GRAMD2B: variants seen among roughly 807,000 people sequenced by gnomAD.
GRAMD2B encodes the protein GRAM domain containing 2B.
GRAMD2B carries 41 observed loss-of-function variants against 59.2 expected under a neutral mutation model. The ratio of observed to expected loss-of-function variants is 0.69; its 90% CI spans 0.54 to 0.90. The LOEUF is 0.90. GRAMD2B is among the 40% of genes least tolerant of loss of function. GRAMD2B has a pLI of 0.00. For synonymous variants in GRAMD2B, 161 were observed against 182.7 expected, an observed-to-expected ratio of 0.88 and a Z score of 0.96; for missense variants, 424 against 500.5, an observed-to-expected ratio of 0.85 and a Z score of 1.46.
At chr5:126,469,576 A>C (rs181682144) in intron 2 of GRAMD2B, 101 bp from the exon 3 acceptor site, 3 of 759,682 alleles carry the variant, frequency 3.9e-6, no homozygotes, top group Admixed American at 4.3e-5. Context: ...GGGAGGTTGC[A>C]GTGAACCGTG....
At chr5:126,447,671 GAAA>G (rs113356500) in intron 1 of GRAMD2B, among the ~76,000 whole-genome samples, 2 of 120,172 alleles carry the variant, frequency 1.7e-5, no homozygotes, top group East Asian at 5.4e-4. Context: ...CTCAAAAAAA[GAAA>G]AAAAAAAAAA....
At chr5:126,483,721 A>G (rs2126930422) in intron 9 of GRAMD2B, 147 bp downstream of exon 9, 2 of 579,140 alleles carry the variant, frequency 3.5e-6, no homozygotes, top group South Asian at 2.3e-5. Context: ...ATCTGGAGAA[A>G]GGATGCCTTG....
intron 1 of GRAMD2B, among the ~76,000 whole-genome samples, chr5:126,390,950 T>C (rs926209007): frequency 6.6e-6 from 1 of 152,190 alleles, no homozygotes; most frequent in South Asian, 2.1e-4. Flanking sequence ...CTAAATTCCA[T>C]ACTCTAGCCA....
intron 1 of GRAMD2B, among the ~76,000 whole-genome samples, chr5:126,443,374 A>G (rs548329585): frequency 1.3e-5 from 2 of 152,352 alleles, no homozygotes; most frequent in South Asian, 4.1e-4. Context: ...TTTTAATGGA[A>G]GAGAGGAAAA....
Position 126,391,319 on chromosome 5 carries a change from CAA to C in GRAMD2B, c.125+19772_125+19773del, listed in dbSNP as rs61181985. ...TGGGCAAGAGAGGGAGACTCCATCT[CAA>C]AAAAAAAAAAAAAAAAAAACTTGTA... On this transcript the variant is annotated intron_variant, in intron 1 of 8. Transcript: ENST00000506445. Among the ~76,000 whole-genome samples, 734 of 76,324 alleles carry C rather than the reference CAA, an allele frequency of 9.6e-3. 12 individuals are homozygous for C. Among genetic ancestry groups the C allele is most frequent in the African/African-American group, 0.033 (692 of 20,910 alleles). 50.1% of individuals were successfully genotyped at this position (76,324 alleles called of 152,430 possible). A position where few individuals can be genotyped will look rare whatever the true frequency, so the allele number is the denominator to read the frequency against.
At chr5:126,414,857 T>C (rs1403755987) in intron 1 of GRAMD2B, among the ~76,000 whole-genome samples, 1 of 152,166 alleles carries the variant, frequency 6.6e-6, no homozygotes. Context: ...GTGAATAGAC[T>C]TCAATAACTA....
upstream of GRAMD2B, among the ~76,000 whole-genome samples, chr5:126,420,070 A>AAG (rs1331581210): frequency 9.3e-3 from 1,376 of 148,092 alleles, 19 homozygotes; most frequent in African/African-American, 0.027. Context: ...AAAAAAAAAA[A>AAG]AAAGAAAGAA....
At chr5:126,424,271 T>A (rs2149783368) in intron 1 of GRAMD2B, among the ~76,000 whole-genome samples, 1 of 152,214 alleles carries the variant, frequency 6.6e-6, no homozygotes, top group East Asian at 1.9e-4. Flanking sequence ...TTTAAAATAT[T>A]TATCTATTTT....
chr5:126,451,684 A>T (rs945915245), intron 1 of GRAMD2B, among the ~76,000 whole-genome samples: 1 of 152,074 alleles, frequency 6.6e-6, no homozygotes, highest in Non-Finnish European at 1.5e-5. Flanking sequence ...TGAGGACGAG[A>T]TGTGGGGGGC....
At chr5:126,397,108 T>C (rs1561478402) in intron 1 of GRAMD2B, among the ~76,000 whole-genome samples, 1 of 152,172 alleles carries the variant, frequency 6.6e-6, no homozygotes, top group Admixed American at 6.5e-5. Flanking sequence ...GTTTGCAAAA[T>C]TTTCTCCCAT....
At chr5:126,366,725 C>A (rs1754452171), upstream of GRAMD2B, among the ~76,000 whole-genome samples, 1 of 152,104 alleles carries the variant, frequency 6.6e-6, no homozygotes, top group Non-Finnish European at 1.5e-5. Flanking sequence ...AATCAAACAG[C>A]CAACCACAGG....
At chr5:126,473,470 G>T in intron 5 of GRAMD2B, 102 bp downstream of exon 5, 1 of 432,442 alleles carries the variant, frequency 2.3e-6, no homozygotes, top group South Asian at 7.5e-5. Flanking sequence ...TTTGTATCAT[G>T]GTTATTCTTT....
intron 1 of GRAMD2B, among the ~76,000 whole-genome samples, chr5:126,455,597 G>C (rs187652068): frequency 7.2e-5 from 11 of 152,272 alleles, no homozygotes; most frequent in Admixed American, 4.6e-4. Context: ...TATAACTACA[G>C]TGTTTCTTTG....
intron 6 of GRAMD2B, among the ~76,000 whole-genome samples, chr5:126,478,280 A>C (rs1246769900): frequency 1.3e-5 from 2 of 151,752 alleles, no homozygotes; most frequent in African/African-American, 4.8e-5. Flanking sequence ...TCTACAAAAA[A>C]TATAAAAATT....
intron 1 of GRAMD2B, among the ~76,000 whole-genome samples, chr5:126,448,253 C>T (rs1764715679): frequency 6.6e-6 from 1 of 152,010 alleles, no homozygotes; most frequent in Non-Finnish European, 1.5e-5. Flanking sequence ...AGAGGTCAGT[C>T]CTTAGGACCT....
intron 1 of GRAMD2B, among the ~76,000 whole-genome samples, chr5:126,401,436 A>G (rs1196663789): frequency 6.6e-6 from 1 of 152,042 alleles, no homozygotes; most frequent in East Asian, 1.9e-4. Flanking sequence ...AGAAATTCAT[A>G]GGTCTCCATT....
intron 1 of GRAMD2B, among the ~76,000 whole-genome samples, chr5:126,364,568 T>C (rs1338921597): frequency 6.6e-6 from 1 of 152,170 alleles, no homozygotes; most frequent in Non-Finnish European, 1.5e-5. Context: ...CAGGGAGGAA[T>C]TCTACAAAGC....
intron 1 of GRAMD2B, among the ~76,000 whole-genome samples, chr5:126,461,062 C>T (rs949310696): frequency 2.0e-5 from 3 of 152,134 alleles, no homozygotes; most frequent in Admixed American, 6.5e-5. Flanking sequence ...AGGGACTCAT[C>T]ACTGTAATTA....
At chr5:126,466,635 A>T (rs1016172332) in intron 2 of GRAMD2B, among the ~76,000 whole-genome samples, 1 of 152,184 alleles carries the variant, frequency 6.6e-6, no homozygotes, top group African/African-American at 2.4e-5. Flanking sequence ...CATGTTGACC[A>T]GGTTGGTCTT....
Sources: gnomAD v4.1 joint callset for allele counts (sites outside exome capture counted in the v4.1 genomes callset) on GRCh38, gnomAD v4.1.1 for gene constraint, MANE v1.5 for transcripts, NCBI Gene and HGNC (gene_info 2026-07-23, HGNC 2026-07-21) for gene names.